The following AFDN variants were observed in gnomAD, a reference collection of about 807,000 sequenced individuals.
The protein encoded by AFDN is afadin, adherens junction formation factor, also known as afadin.
In AFDN, 68 loss-of-function variants were observed where a neutral mutation model predicts 216.6. The observed-to-expected ratio is 0.31, with a 90% CI of 0.26 to 0.38. The LOEUF (loss-of-function observed/expected upper bound fraction) is 0.38. Ranked by LOEUF, AFDN falls within the 10% of genes least tolerant of loss-of-function variation. AFDN has a pLI of 1.00. For missense variants in AFDN, 2,136 were observed against 2,342.0 expected, an observed-to-expected ratio of 0.91 and a Z score of 1.82; for synonymous variants, 868 against 853.7, an observed-to-expected ratio of 1.02 and a Z score of -0.29.
chr6:167,932,753 A>T (rs1793469400), intron 23 of AFDN: 1 of 152,256 alleles, frequency 6.6e-6, no homozygotes, highest in Non-Finnish European at 1.5e-5. Flanking sequence ...GGAAGAACAC[A>T]GTCAGTGGTG....
chr6:167,917,524 A>G (rs960137720), intron 20 of AFDN, among the ~76,000 whole-genome samples: 6 of 152,182 alleles, frequency 3.9e-5, no homozygotes, highest in African/African-American at 1.4e-4. Flanking sequence ...CGTAGCCACA[A>G]CTGAGTGTAG....
chr6:167,952,634 C>A, intron 30 of AFDN: 1 of 262,772 alleles, frequency 3.8e-6, no homozygotes, highest in Non-Finnish European at 5.9e-6. Context: ...CAGCCACAGG[C>A]ACAAGTAAAC....
At chr6:167,943,746 T>G (rs1173486746) in intron 25 of AFDN, among the ~76,000 whole-genome samples, 195 bp from the exon 26 acceptor site, 2 of 152,212 alleles carry the variant, frequency 1.3e-5, no homozygotes, top group Non-Finnish European at 2.9e-5. Context: ...ACAGGAGATG[T>G]GTTTGCCTAT....
chr6:167,915,567 A>G, intron 19 of AFDN, 134 bp downstream of exon 19: 1 of 1,033,820 alleles, frequency 9.7e-7, no homozygotes, highest in East Asian at 2.6e-5. Flanking sequence ...CAAATAATGA[A>G]GTAGTGCTAT....
At chr6:167,860,074 A>G (rs1404275103) in intron 1 of AFDN, among the ~76,000 whole-genome samples, 1 of 150,414 alleles carries the variant, frequency 6.6e-6, no homozygotes, top group Non-Finnish European at 1.5e-5. Context: ...TTATTATCTT[A>G]CCTATTCTAA....
chr6:167,883,644 A>C (rs901386478), intron 6 of AFDN, among the ~76,000 whole-genome samples: 8 of 152,226 alleles, frequency 5.3e-5, no homozygotes, highest in African/African-American at 1.7e-4. Flanking sequence ...GTGCAGTAGC[A>C]TTGTGTTTAA....
At position 167,962,695 on chromosome 6, in the gene AFDN, C is replaced by T; in HGVS notation, c.4968+128C>T. Reference sequence around the variant, plus strand: ...ACGAGGCAGAGCAGGGCCTGGCTCCCCCAGCTTTGTGATTGGACCTGCAAC... The same window carrying T: ...ACGAGGCAGAGCAGGGCCTGGCTCCTCCAGCTTTGTGATTGGACCTGCAAC... On this transcript the variant is annotated intron_variant, in intron 31 of 33. Transcript: ENST00000683244. This position sits in a 1 kb window ranked among gnomAD's most constrained non-coding sequence, Gnocchi z 5.2. The T allele has an allele frequency of 1.9e-6, 3 of 1,546,002 alleles. No individual in the cohort carries two copies. The South Asian group carries it at 3.7e-5, about 19-fold the overall frequency.
intron 6 of AFDN, among the ~76,000 whole-genome samples, chr6:167,882,361 A>G (rs1786226693): frequency 6.6e-6 from 1 of 152,074 alleles, no homozygotes; most frequent in Non-Finnish European, 1.5e-5. Flanking sequence ...TATTTAACAT[A>G]TACTAAAGGG....
chr6:167,966,170 C>G lies in AFDN; in HGVS notation c.5257+125C>G, dbSNP rs1287531872. Reference sequence around the variant, plus strand: ...ATGGCGTCTTTCTCTCCAACTCATTCCAGCCACCCTCAGCCAAAGCCAACA... The same window carrying G: ...ATGGCGTCTTTCTCTCCAACTCATTGCAGCCACCCTCAGCCAAAGCCAACA... On this transcript the variant is annotated intron_variant, in intron 32 of 33. Transcript: ENST00000683244. The G allele has an allele frequency of 3.3e-6, 5 of 1,534,734 alleles. No homozygotes were observed. The South Asian group carries it at 4.8e-5, about 15-fold the overall frequency.
At chr6:167,895,744 T>C (rs902466732) in intron 9 of AFDN, among the ~76,000 whole-genome samples, 3 of 152,214 alleles carry the variant, frequency 2.0e-5, no homozygotes, top group African/African-American at 7.2e-5. Flanking sequence ...CCAAACTGTT[T>C]AACGTGTGAA....
chr6:167,966,130 C>T, intron 32 of AFDN, 85 bp downstream of exon 32: 1 of 1,535,602 alleles, frequency 6.5e-7, no homozygotes, highest in Non-Finnish European at 8.7e-7. Context: ...CCCTGCCAGC[C>T]ACGCCCGGCC....
In AFDN at chr6:167,889,218, A is replaced by G. The variant is rs753422867; in HGVS notation, c.901A>G (p.Met301Val). 1 of 1,612,110 alleles carries G rather than the reference A, an allele frequency of 6.2e-7. No individual in the cohort carries two copies. Among genetic ancestry groups the G allele is most frequent in the African/African-American group, 1.3e-5 (1 of 74,848 alleles). Residue 301 changes from methionine (M) to valine (V), a missense_variant, in exon 7 of 34, where the codon ATG becomes GTG. By Grantham distance (21) the Met-to-Val change is conservative. Coordinates refer to ENST00000683244, the MANE Select transcript of AFDN (RefSeq NM_001386888.1). ...NPKDYCIARV[M>V]LPPGAQHSDE... Reference sequence around the variant, plus strand: ...TTAATTATTTTTGTTTTTTTAGGTTATGCTTCCTCCTGGAGCCCAGCATTC... The same window carrying G: ...TTAATTATTTTTGTTTTTTTAGGTTGTGCTTCCTCCTGGAGCCCAGCATTC...
At chr6:167,896,268 G>C (rs1340643627) in intron 9 of AFDN, among the ~76,000 whole-genome samples, 1 of 150,782 alleles carries the variant, frequency 6.6e-6, no homozygotes, top group Admixed American at 6.6e-5. Context: ...TTTTACTCCA[G>C]TTCTACTCCA....
chr6:167,933,396 TAG>T (rs1225767114), intron 23 of AFDN, among the ~76,000 whole-genome samples: 1 of 152,220 alleles, frequency 6.6e-6, no homozygotes, highest in African/African-American at 2.4e-5. Context: ...TCTCACTGTT[TAG>T]AGAGTCAGTT....
intron 1 of AFDN, chr6:167,863,937 A>C (rs1000632861): frequency 5.5e-6 from 2 of 362,602 alleles, no homozygotes; most frequent in Non-Finnish European, 5.5e-6. Flanking sequence ...CAAAACCCAC[A>C]ATTTTGCACC....
chr6:167,971,897 TTG>T lies in AFDN; in HGVS notation c.*1964_*1965del, dbSNP rs1349768510. 1 of 201,770 alleles carries T rather than the reference TTG, an allele frequency of 5.0e-6. No individual in the cohort carries two copies. Among genetic ancestry groups the T allele is most frequent in the Non-Finnish European group, 1.0e-5 (1 of 98,128 alleles). 12.5% of individuals were successfully genotyped at this position (201,770 alleles called of 1,614,324 possible). ...AGTTGCAACCTATTTTTAATAAACT[TTG>T]TATGTATTTAAGTGTATTTGCTATT... On this transcript the variant is annotated 3_prime_UTR_variant, in exon 34 of 34. Transcript: ENST00000683244.
At chr6:167,875,592 G>C in intron 5 of AFDN, 97 bp downstream of exon 5, 1 of 1,278,566 alleles carries the variant, frequency 7.8e-7, no homozygotes, top group Non-Finnish European at 1.1e-6. Context: ...AAAGCAATGG[G>C]TGGTGTAACC....
chr6:167,900,694 A>T (rs1315029047), intron 11 of AFDN, among the ~76,000 whole-genome samples: 2 of 152,218 alleles, frequency 1.3e-5, no homozygotes, highest in African/African-American at 4.8e-5. Flanking sequence ...TTCTACTCAC[A>T]TACTACCCAC....
chr6:167,948,031 T>G, intron 28 of AFDN, 87 bp downstream of exon 28: 1 of 998,018 alleles, frequency 1.0e-6, no homozygotes, highest in Non-Finnish European at 1.5e-6. Context: ...AGTACAATTT[T>G]TACTCTGAAT....
Sources: allele counts gnomAD v4.1 joint callset (sites outside exome capture counted in the v4.1 genomes callset), GRCh38; gene constraint gnomAD v4.1.1; non-coding constraint Gnocchi (gnomAD v3.1); transcripts MANE v1.5; gene names NCBI Gene and HGNC (gene_info 2026-07-23, HGNC 2026-07-21).